SPATA6: variants seen among roughly 807,000 people sequenced by gnomAD.
SPATA6 encodes spermatogenesis associated 6.
Under a neutral mutation model 65.3 loss-of-function variants are expected in SPATA6, and 56 were observed. The ratio of observed to expected loss-of-function variants is 0.86; its 90% CI spans 0.69 to 1.07. SPATA6 has a LOEUF of 1.07. SPATA6 is among the 50% of genes least tolerant of loss of function. The probability of loss-of-function intolerance (pLI) is 0.00; values close to 1 mark genes in which losing one functional copy is unlikely to be tolerated. For missense variants in SPATA6, 590 were observed against 594.8 expected (o/e 0.99, Z 0.08); for synonymous variants, 199 against 213.2 (o/e 0.93, Z 0.58).
intron 5 of SPATA6, among the ~76,000 whole-genome samples, chr1:48,408,471 T>C (rs1651906452): frequency 6.6e-6 from 1 of 152,220 alleles, no homozygotes; most frequent in African/African-American, 2.4e-5. Context: ...TTCCATTATA[T>C]ACATATTTTA....
intron 3 of SPATA6, among the ~76,000 whole-genome samples, chr1:48,430,107 T>A (rs1017558329): frequency 3.3e-5 from 5 of 152,130 alleles, no homozygotes; most frequent in African/African-American, 1.2e-4. Context: ...CTTCTCAAAT[T>A]TGATGAATGA....
chr1:48,308,172 G>A (rs1045179759), intron 11 of SPATA6, among the ~76,000 whole-genome samples: 3 of 151,496 alleles, frequency 2.0e-5, no homozygotes, highest in Non-Finnish European at 4.4e-5. Flanking sequence ...CTCCATCGTT[G>A]CCTTCTTTTG....
intron 3 of SPATA6, among the ~76,000 whole-genome samples, chr1:48,448,943 A>G (rs1656313850): frequency 1.3e-5 from 2 of 152,166 alleles, no homozygotes; most frequent in Non-Finnish European, 2.9e-5. Context: ...GACATTCTAA[A>G]TTAGAAAATG....
chr1:48,449,473 T>C (rs533456183), intron 3 of SPATA6, among the ~76,000 whole-genome samples: 1 of 152,312 alleles, frequency 6.6e-6, no homozygotes, highest in East Asian at 1.9e-4. Context: ...TGTCTAATTA[T>C]CAGTTTATAA....
chr1:48,292,535 C>T (rs1644775065), downstream of SPATA6, among the ~76,000 whole-genome samples: 1 of 152,160 alleles, frequency 6.6e-6, no homozygotes, highest in Non-Finnish European at 1.5e-5. Context: ...GGGTTGGTGG[C>T]AAGTATGCCT....
chr1:48,343,049 C>G (rs1646264001), intron 11 of SPATA6, among the ~76,000 whole-genome samples: 1 of 152,052 alleles, frequency 6.6e-6, no homozygotes. Flanking sequence ...TCTAATAAAC[C>G]TGATAACTTC....
the SPATA6 span, among the ~76,000 whole-genome samples, chr1:48,272,965 T>C: frequency 1.3e-5 from 2 of 152,204 alleles, no homozygotes; most frequent in African/African-American, 4.8e-5. Flanking sequence ...AAATTGCTAT[T>C]TGTAATTTCG....
chr1:48,270,424 C>G, the SPATA6 span, among the ~76,000 whole-genome samples: 1 of 152,056 alleles, frequency 6.6e-6, no homozygotes, highest in Non-Finnish European at 1.5e-5. Flanking sequence ...TGAACTATAA[C>G]AAACTGAGTT....
chr1:48,408,429 C>T (rs1262952639), intron 5 of SPATA6, among the ~76,000 whole-genome samples: 1 of 152,134 alleles, frequency 6.6e-6, no homozygotes, highest in Non-Finnish European at 1.5e-5. Context: ...TCACTTGATG[C>T]AGCTTTTAAT....
Position 48,359,606 on chromosome 1 carries a change from A to G in SPATA6, c.1074T>C (p.Asn358=), listed in dbSNP as rs1383483528. 1 of 1,613,128 alleles carries G rather than the reference A, an allele frequency of 6.2e-7. No individual in the cohort carries two copies. Among genetic ancestry groups the G allele is most frequent in the Non-Finnish European group, 8.5e-7 (1 of 1,179,396 alleles). The part of the protein sequence containing the change: ...MPKHSPSPVL[N]RASLRERFHS... Reference sequence around the variant, plus strand: ...ATTACCTTTCCCTGAGAGAAGCTCTATTTAACACAGGGCTTGGAGAATGCT... The same window carrying G: ...ATTACCTTTCCCTGAGAGAAGCTCTGTTTAACACAGGGCTTGGAGAATGCT... Residue 358 remains asparagine (N), a synonymous_variant, in exon 10 of 13, where the codon AAT becomes AAC. Transcript: ENST00000371847.
At chr1:48,332,125 C>T (rs550911870) in intron 11 of SPATA6, among the ~76,000 whole-genome samples, 4 of 152,260 alleles carry the variant, frequency 2.6e-5, no homozygotes, top group East Asian at 1.9e-4. Context: ...ACTACAAAAA[C>T]GCATGTAAGT....
At chr1:48,458,489 C>A (rs1657172664) in intron 1 of SPATA6, among the ~76,000 whole-genome samples, 1 of 152,112 alleles carries the variant, frequency 6.6e-6, no homozygotes, top group Admixed American at 6.5e-5. Flanking sequence ...GGCAGAGTAT[C>A]CAGGACTTCT....
At chr1:48,279,672 A>C in the SPATA6 span, among the ~76,000 whole-genome samples, 1 of 152,218 alleles carries the variant, frequency 6.6e-6, no homozygotes. Flanking sequence ...GAGCATGCAG[A>C]TTCATAAAGC....
intron 9 of SPATA6, among the ~76,000 whole-genome samples, chr1:48,381,001 C>G (rs1296903793): frequency 1.3e-5 from 2 of 152,204 alleles, no homozygotes; most frequent in African/African-American, 2.4e-5. Context: ...CTCAGATCAT[C>G]AGGCATTAGT....
At chr1:48,261,829 C>A in the SPATA6 span, among the ~76,000 whole-genome samples, 1 of 152,038 alleles carries the variant, frequency 6.6e-6, no homozygotes, top group South Asian at 2.1e-4. Flanking sequence ...TCACACCTGG[C>A]AAGACTTCAG....
chr1:48,312,865 G>C (rs996689267), intron 11 of SPATA6, among the ~76,000 whole-genome samples: 16 of 152,136 alleles, frequency 1.1e-4, no homozygotes, highest in Admixed American at 1.3e-4. Flanking sequence ...ACCTGATGGA[G>C]CTGAAAACCA....
chr1:48,329,792 C>A (rs1334426225), intron 11 of SPATA6, among the ~76,000 whole-genome samples: 4 of 152,206 alleles, frequency 2.6e-5, no homozygotes, highest in African/African-American at 9.6e-5. Context: ...AGGAGGACCC[C>A]TCCAACACTG....
intron 11 of SPATA6, among the ~76,000 whole-genome samples, chr1:48,336,012 C>A (rs554140753): frequency 6.6e-6 from 1 of 151,798 alleles, no homozygotes; most frequent in Non-Finnish European, 1.5e-5. Context: ...TACAATGCAC[C>A]AAAAAGCATA....
intron 6 of SPATA6, among the ~76,000 whole-genome samples, chr1:48,400,255 C>A (rs1462722989): frequency 6.6e-6 from 1 of 151,756 alleles, no homozygotes; most frequent in Admixed American, 6.6e-5. Context: ...GATAAACATA[C>A]CATCTTAATT....
Sources: gnomAD v4.1 joint callset for allele counts (sites outside exome capture counted in the v4.1 genomes callset) on GRCh38, gnomAD v4.1.1 for gene constraint, MANE v1.5 for transcripts, NCBI Gene and HGNC (gene_info 2026-07-23, HGNC 2026-07-21) for gene names.